The following YY1 variants were observed in gnomAD, a reference collection of about 807,000 sequenced individuals.
YY1 encodes the protein YY1 transcription factor, also known as transcriptional repressor protein YY1.
A neutral mutation model predicts 35.6 loss-of-function variants in YY1; 2 were observed. The ratio of observed to expected loss-of-function variants is 0.06; its 90% CI spans 0.02 to 0.18. YY1 has a LOEUF of 0.18. YY1 is among the 10% of genes least tolerant of loss of function. YY1 has a pLI of 1.00. For missense variants in YY1, 322 were observed against 573.4 expected (o/e 0.56, Z 4.48); for synonymous variants, 268 against 238.9 (o/e 1.12, Z -1.12).
chr14:100,246,289 TC>T (rs147588654), intron 1 of YY1, among the ~76,000 whole-genome samples: 1 of 152,016 alleles, frequency 6.6e-6, no homozygotes, highest in East Asian at 1.9e-4. Flanking sequence ...GGGGCCAGTG[TC>T]CCCCCCATTC....
At chr14:100,269,408 C>T (rs1891201730) in intron 2 of YY1, among the ~76,000 whole-genome samples, 1 of 152,206 alleles carries the variant, frequency 6.6e-6, no homozygotes, top group Non-Finnish European at 1.5e-5. Context: ...CATACTGCCT[C>T]ATTCATAATG....
chr14:100,280,200 G>T lies in YY1; in HGVS notation c.*2600G>T, dbSNP rs1891394203. On this transcript the variant is annotated 3_prime_UTR_variant, in exon 5 of 5. Coordinates refer to ENST00000262238, the MANE Select transcript of YY1 (RefSeq NM_003403.5). ...GTAACTTCAACCCATTCTGCTTGTG[G>T]TTAGAATTTATAATTTTGCTAACGA... 6.6e-6 allele frequency: 1 copy of T among 152,136 alleles called. No homozygotes were observed. Among genetic ancestry groups the T allele is most frequent in the Non-Finnish European group, 1.5e-5 (1 of 68,038 alleles). 9.4% of individuals were successfully genotyped at this position (152,136 alleles called of 1,614,324 possible). A position where few individuals can be genotyped will look rare whatever the true frequency, so the allele number is the denominator to read the frequency against.
intron 1 of YY1, among the ~76,000 whole-genome samples, chr14:100,248,869 TGGTAGAGACG>T (rs1027255476): frequency 1.6e-4 from 24 of 150,966 alleles, no homozygotes; most frequent in Non-Finnish European, 3.4e-4. Flanking sequence ...TTTGTATTTT[TGGTAGAGACG>T]GGTTTCACCG....
intron 1 of YY1, 33 bp downstream of exon 1, chr14:100,239,956 T>G: frequency 6.6e-7 from 1 of 1,505,056 alleles, no homozygotes; most frequent in Non-Finnish European, 8.8e-7. Context: ...GGCCCCGGGA[T>G]GTTTTTGTTT....
chr14:100,276,675 CA>C lies in YY1; in HGVS notation c.1062+28del. On this transcript the variant is annotated intron_variant, in intron 4 of 4. Transcript: ENST00000262238. The surrounding 1 kb of genome is among the most constrained non-coding windows in gnomAD (Gnocchi z 4.1). ...TAGAGCCAGTTCCCTCTCTTCCCCA[CA>C]CTGCCTTGCCTGTCTGAACACTGCA... The C allele has an allele frequency of 6.2e-7, 1 of 1,613,990 alleles. No individual in the cohort carries two copies. Among genetic ancestry groups the C allele is most frequent in the African/African-American group, 1.3e-5 (1 of 75,068 alleles).
chr14:100,260,771 C>CTTTTTTTTTTTTTTT (rs71113254), intron 1 of YY1, among the ~76,000 whole-genome samples: 5 of 42,568 alleles, frequency 1.2e-4, no homozygotes, highest in Non-Finnish European at 1.3e-4. Flanking sequence ...GTGCCTGGTC[C>CTTTTTTTTTTTTTTT]TTTTTTTTTT....
chr14:100,261,884 C>T (rs1167071479), intron 1 of YY1, among the ~76,000 whole-genome samples: 4 of 152,162 alleles, frequency 2.6e-5, no homozygotes, highest in Admixed American at 1.3e-4. Context: ...TGTGGTGGCT[C>T]ATGCCTGTAA....
rs34083329 is a variant in YY1 at position 100,270,456 on chromosome 14, CAA to C, written c.843-4225_843-4224del. ...TGAAACCCCGTCTCTACTAAAAATA[CAA>C]AAAAAAAAAAAAAAAATAGCCAGGC... On this transcript the variant is annotated intron_variant, in intron 2 of 4. Coordinates refer to ENST00000262238, the MANE Select transcript of YY1 (RefSeq NM_003403.5). Among the ~76,000 whole-genome samples the C allele has an allele frequency of 6.4e-3, 630 of 98,054 alleles. 3 individuals are homozygous for C. The highest frequency in any genetic ancestry group is 0.017 in the African/African-American group (432 of 25,196). 64.3% of individuals were successfully genotyped at this position (98,054 alleles called of 152,430 possible).
chr14:100,250,770 G>A (rs1057032293), intron 1 of YY1, among the ~76,000 whole-genome samples: 2 of 151,646 alleles, frequency 1.3e-5, no homozygotes, highest in Admixed American at 6.6e-5. Flanking sequence ...AGACTGAGGT[G>A]GGAGGATCTG....
chr14:100,267,370 A>G (rs962113058), intron 2 of YY1, among the ~76,000 whole-genome samples: 10 of 152,194 alleles, frequency 6.6e-5, no homozygotes, highest in Middle Eastern at 3.2e-3. Flanking sequence ...TATGAATGTA[A>G]ATAGCATTTC....
intron 1 of YY1, among the ~76,000 whole-genome samples, chr14:100,252,520 A>G (rs970879827): frequency 6.6e-6 from 1 of 152,178 alleles, no homozygotes; most frequent in Non-Finnish European, 1.5e-5. Context: ...GTTTTAGGTC[A>G]TTGCATTTAG....
chr14:100,248,640 C>CTAGA (rs1890872934), intron 1 of YY1, among the ~76,000 whole-genome samples: 3 of 149,270 alleles, frequency 2.0e-5, no homozygotes, highest in Admixed American at 2.0e-4. Context: ...GTAGCTGGGA[C>CTAGA]TAGAGGTGTG....
At position 100,276,045 on chromosome 14, in the gene YY1, G is replaced by T; in HGVS notation, c.904-445G>T. 4.6e-6 allele frequency: 1 copy of T among 217,538 alleles called. No individual in the cohort carries two copies. Among genetic ancestry groups the T allele is most frequent in the South Asian group, 6.7e-5 (1 of 15,008 alleles). The allele number at this position is 217,538 out of a possible 1,614,324, so 13.5% of individuals were successfully genotyped here. ...AGGCGATGGAGAATGACAGTCCATT[G>T]TTGCAGCACAGAATATGGGGCCACC... On this transcript the variant is annotated intron_variant, in intron 3 of 4. Transcript: ENST00000262238. The surrounding 1 kb of genome is among the most constrained non-coding windows in gnomAD (Gnocchi z 4.1).
At chr14:100,245,378 T>G (rs1290296626) in intron 1 of YY1, among the ~76,000 whole-genome samples, 1 of 152,182 alleles carries the variant, frequency 6.6e-6, no homozygotes, top group African/African-American at 2.4e-5. Context: ...AATTCCTGGG[T>G]TCAGAGTATC....
chr14:100,243,337 C>G (rs962665299), intron 1 of YY1, among the ~76,000 whole-genome samples: 1 of 152,198 alleles, frequency 6.6e-6, no homozygotes, highest in Non-Finnish European at 1.5e-5. Flanking sequence ...TTTAACTACA[C>G]TTTAGTTTCA....
intron 1 of YY1, among the ~76,000 whole-genome samples, chr14:100,248,993 AATTCTT>A (rs1890880150): frequency 6.6e-6 from 1 of 151,640 alleles, no homozygotes; most frequent in African/African-American, 2.4e-5. Flanking sequence ...AGCCAAGTAA[AATTCTT>A]AATAGCCATT....
chr14:100,276,957 G>A lies in YY1; in HGVS notation c.1062+309G>A. 2.2e-6 allele frequency: 1 copy of A among 446,576 alleles called. No individual in the cohort carries two copies. The highest frequency in any genetic ancestry group is 2.4e-5 in the South Asian group (1 of 42,430). 27.7% of individuals were successfully genotyped at this position (446,576 alleles called of 1,614,324 possible). The stretch of plus-strand genomic sequence containing the variant: ...TTTCTACTTCATTCATTACAGGATT[G>A]AAGTAATTTATTTTTGGTAGTTAAT... On this transcript the variant is annotated intron_variant, in intron 4 of 4. Coordinates refer to ENST00000262238, the MANE Select transcript of YY1 (RefSeq NM_003403.5). The surrounding 1 kb of genome is among the most constrained non-coding windows in gnomAD (Gnocchi z 4.1).
chr14:100,272,974 T>TG (rs1197362805), intron 2 of YY1, among the ~76,000 whole-genome samples: 47 of 150,710 alleles, frequency 3.1e-4, no homozygotes, highest in African/African-American at 1.1e-3. Flanking sequence ...TGTTTTTTTT[T>TG]TTTTGAGACG....
chr14:100,247,313 A>G (rs904126759), intron 1 of YY1, among the ~76,000 whole-genome samples: 14 of 151,694 alleles, frequency 9.2e-5, no homozygotes, highest in African/African-American at 3.4e-4. Flanking sequence ...TCAGGTGACC[A>G]TTTTTATTCT....
Sources: allele counts gnomAD v4.1 joint callset (sites outside exome capture counted in the v4.1 genomes callset), GRCh38; gene constraint gnomAD v4.1.1; non-coding constraint Gnocchi (gnomAD v3.1); transcripts MANE v1.5; gene names NCBI Gene and HGNC (gene_info 2026-07-23, HGNC 2026-07-21).